COL26A1: variants seen among roughly 807,000 people sequenced by gnomAD.
COL26A1 encodes the protein collagen alpha-1(XXVI) chain.
Under a neutral mutation model 59.3 loss-of-function variants are expected in COL26A1, and 41 were observed. The observed-to-expected ratio is 0.69, with a 90% CI of 0.54 to 0.90. The LOEUF (loss-of-function observed/expected upper bound fraction) is 0.90, where lower values mean the gene tolerates loss of function less well. Among genes scored for constraint, COL26A1 ranks in the 40% least tolerant of loss-of-function variants. The probability of loss-of-function intolerance (pLI) is 0.00; values close to 1 mark genes in which losing one functional copy is unlikely to be tolerated. For missense variants in COL26A1, 612 were observed against 602.3 expected (o/e 1.02, Z -0.17); for synonymous variants, 266 against 256.0 (o/e 1.04, Z -0.37).
At chr7:101,539,578 T>A (rs1430892262) in intron 4 of COL26A1, among the ~76,000 whole-genome samples, 1 of 152,098 alleles carries the variant, frequency 6.6e-6, no homozygotes, top group Non-Finnish European at 1.5e-5. Flanking sequence ...TCCTCCAGCC[T>A]CAGCCTCTTA....
intron 1 of COL26A1, among the ~76,000 whole-genome samples, chr7:101,367,686 AAAG>A (rs1203475642): frequency 6.5e-5 from 5 of 77,142 alleles, no homozygotes; most frequent in Non-Finnish European, 1.5e-4. Context: ...AAAAAAAAAA[AAAG>A]AAGAAGAGAA....
At chr7:101,438,978 C>T (rs1020480623) in intron 2 of COL26A1, among the ~76,000 whole-genome samples, 1 of 152,158 alleles carries the variant, frequency 6.6e-6, no homozygotes, top group African/African-American at 2.4e-5. Context: ...GCGCCCAGCC[C>T]CCTTTCTTTC....
In COL26A1 at chr7:101,539,761, G is replaced by A. The variant is rs548409997; in HGVS notation, c.448-132G>A. 56 of 886,846 alleles carry A rather than the reference G, an allele frequency of 6.3e-5. 1 individual carries two copies. The highest frequency in any genetic ancestry group is 5.6e-4 in the South Asian group (28 of 50,360). 54.9% of individuals were successfully genotyped at this position (886,846 alleles called of 1,614,324 possible). On this transcript the variant is annotated intron_variant, in intron 4 of 12. Transcript: ENST00000313669. ...CCACGAGTGAGGTTCTCCCACTAAG[G>A]AGCGTGACGGGGCACACACAGCGTG...
At chr7:101,391,895 T>G (rs1791738614) in intron 1 of COL26A1, among the ~76,000 whole-genome samples, 1 of 151,542 alleles carries the variant, frequency 6.6e-6, no homozygotes, top group Middle Eastern at 3.2e-3. Flanking sequence ...TTTCTTTTTT[T>G]TCTGTAGAGA....
intron 3 of COL26A1, among the ~76,000 whole-genome samples, chr7:101,512,618 TC>T (rs1427933567): frequency 1.3e-5 from 2 of 152,120 alleles, no homozygotes; most frequent in Non-Finnish European, 2.9e-5. Flanking sequence ...CAAGACCCTG[TC>T]TCAAAAAAAC....
chr7:101,458,880 C>T (rs761273461), intron 3 of COL26A1, among the ~76,000 whole-genome samples: 4 of 150,296 alleles, frequency 2.7e-5, no homozygotes, highest in Non-Finnish European at 4.4e-5. Context: ...TAGCTCACTG[C>T]AGCCTTGAAC....
chr7:101,552,539 C>T (rs1795882478), intron 10 of COL26A1, among the ~76,000 whole-genome samples: 2 of 152,140 alleles, frequency 1.3e-5, no homozygotes, highest in South Asian at 4.1e-4. Flanking sequence ...ATCACTTGAA[C>T]CCAGGAGGTA....
intron 3 of COL26A1, among the ~76,000 whole-genome samples, chr7:101,504,724 G>C (rs2130568448): frequency 6.6e-6 from 1 of 152,350 alleles, no homozygotes; most frequent in Non-Finnish European, 1.5e-5. Flanking sequence ...ACACGATGCT[G>C]CTGAGTTCAG....
At chr7:101,520,663 C>CACACACACACACACACACACACACA (rs57784373) in intron 3 of COL26A1, among the ~76,000 whole-genome samples, 3 of 139,066 alleles carry the variant, frequency 2.2e-5, no homozygotes, top group Admixed American at 7.0e-5. Flanking sequence ...CACACACACA[C>CACACACACACACACACACACACACA]CCCCGTGTTC....
chr7:101,491,343 C>T (rs1563009376), intron 3 of COL26A1, among the ~76,000 whole-genome samples: 2 of 152,128 alleles, frequency 1.3e-5, no homozygotes, highest in African/African-American at 4.8e-5. Context: ...GGTTGTTAAA[C>T]ACTTACCAGC....
intron 1 of COL26A1, among the ~76,000 whole-genome samples, chr7:101,414,354 C>T (rs1262937531): frequency 2.0e-5 from 3 of 152,014 alleles, no homozygotes; most frequent in Non-Finnish European, 4.4e-5. Flanking sequence ...CTCAGGATCC[C>T]ACATTAAACC....
chr7:101,474,990 C>A (rs192620781), intron 3 of COL26A1, among the ~76,000 whole-genome samples: 1 of 152,088 alleles, frequency 6.6e-6, no homozygotes, highest in Non-Finnish European at 1.5e-5. Context: ...GTTAGGAGTT[C>A]GAGACCAGCC....
chr7:101,396,910 C>T (rs561055486), intron 1 of COL26A1, among the ~76,000 whole-genome samples: 43 of 152,256 alleles, frequency 2.8e-4, no homozygotes, highest in Admixed American at 1.8e-3. Context: ...AACTGGGGCT[C>T]CACATCTTGT....
chr7:101,424,998 C>T (rs1012952467), intron 2 of COL26A1, among the ~76,000 whole-genome samples: 1 of 152,108 alleles, frequency 6.6e-6, no homozygotes, highest in African/African-American at 2.4e-5. Context: ...TCATAGCTCA[C>T]TGCAGCCTTG....
At chr7:101,501,958 C>T (rs934685942) in intron 3 of COL26A1, among the ~76,000 whole-genome samples, 43 of 152,108 alleles carry the variant, frequency 2.8e-4, no homozygotes, top group African/African-American at 7.2e-4. Flanking sequence ...CAAAATCTTC[C>T]GCCCTTTCTT....
intron 3 of COL26A1, among the ~76,000 whole-genome samples, chr7:101,497,682 AAAAT>A (rs978734557): frequency 4.0e-5 from 6 of 151,532 alleles, no homozygotes; most frequent in East Asian, 1.9e-4. Flanking sequence ...CCTCAGAAAA[AAAAT>A]AAATAAATAA....
chr7:101,548,674 G>A (rs540830626), intron 8 of COL26A1, among the ~76,000 whole-genome samples: 55 of 140,194 alleles, frequency 3.9e-4, no homozygotes, highest in African/African-American at 1.4e-3. Flanking sequence ...GGGAGGGTGG[G>A]AAGGGGCCGG....
rs1190684989 is a variant in COL26A1, at chr7:101,545,467, T to G, written c.833T>G (p.Leu278Arg). Residue 278 changes from leucine (L) to arginine (R), a missense_variant, in exon 7 of 13, where the codon CTG (leucine) becomes CGG (arginine). Coordinates refer to ENST00000313669, the MANE Select transcript of COL26A1 (RefSeq NM_001278563.3). ...PNSPQGALYS[L>R]QPPTDKDNGD... ...AGCCCCCAGGGCGCCCTCTACTCCC[T>G]GCAGCCGCCTACAGACAAAGACAGT... is the stretch of plus-strand genomic sequence containing the variant. 4 of 1,607,924 alleles carry G rather than the reference T, an allele frequency of 2.5e-6. No individual in the cohort carries two copies. The highest frequency in any genetic ancestry group is 3.4e-6 in the Non-Finnish European group (4 of 1,177,596).
chr7:101,489,301 A>G (rs1408857009), intron 3 of COL26A1, among the ~76,000 whole-genome samples: 1 of 152,156 alleles, frequency 6.6e-6, no homozygotes, highest in Non-Finnish European at 1.5e-5. Context: ...GAATATGTGG[A>G]GTCCAGCTAG....
Sources: gnomAD v4.1 joint callset for allele counts (sites outside exome capture counted in the v4.1 genomes callset) on GRCh38, gnomAD v4.1.1 for gene constraint, MANE v1.5 for transcripts, NCBI Gene and HGNC (gene_info 2026-07-23, HGNC 2026-07-21) for gene names.